OR9G4: variants seen among roughly 807,000 people sequenced by gnomAD.
OR9G4 encodes olfactory receptor family 9 subfamily G member 4.
In OR9G4, 19 loss-of-function variants were observed where a neutral mutation model predicts 16.7. That is an observed-to-expected ratio of 1.14 (90% CI 0.79 to 1.67). OR9G4 has a LOEUF of 1.67. OR9G4 is among the 40% of genes most tolerant of loss of function. OR9G4 has a pLI of 0.00. For synonymous variants in OR9G4, 182 were observed against 146.2 expected (o/e 1.24, Z -1.76); for missense variants, 428 against 370.4 (o/e 1.16, Z -1.28).
intron 1 of OR9G4, among the ~76,000 whole-genome samples, chr11:56,748,179 C>T (rs899688521): frequency 6.6e-6 from 1 of 152,186 alleles, no homozygotes; most frequent in Non-Finnish European, 1.5e-5. Context: ...GCCAATCATG[C>T]TAAAGAATCT....
intron 1 of OR9G4, among the ~76,000 whole-genome samples, chr11:56,747,916 C>T (rs527559128): frequency 1.7e-4 from 26 of 152,280 alleles, no homozygotes; most frequent in Middle Eastern, 3.4e-3. Context: ...CCTCGTGATC[C>T]GCCCTCCTCA....
Position 56,742,831 on chromosome 11 carries a change from T to A in OR9G4, c.936A>T (p.Thr312=), listed in dbSNP as rs1858322290. 1 of 1,609,814 alleles carries A rather than the reference T, an allele frequency of 6.2e-7. No homozygotes were observed. The highest frequency in any genetic ancestry group is 1.3e-5 in the African/African-American group (1 of 74,736). Residue 312 remains threonine (T), a synonymous_variant, in exon 2 of 2, where the codon ACA becomes ACT. Coordinates refer to ENST00000641668, the MANE Select transcript of OR9G4 (RefSeq NM_001005284.2). ...GCATTTGCAAAGAGAATAACCTTCA[T>A]GTTTGTGGTTGTATAGTCTGTGTTG... ...RKATQTIQPQ[T]
At chr11:56,744,828 T>C (rs1024989381) in intron 1 of OR9G4, among the ~76,000 whole-genome samples, 7 of 152,188 alleles carry the variant, frequency 4.6e-5, no homozygotes, top group Non-Finnish European at 1.0e-4. Context: ...CCCCCAAACA[T>C]GCAGGTGGGG....
rs748285334 is a variant in OR9G4, at chr11:56,741,822, C to T, written c.*1006G>A. ...TTAACTTGCCATCTTCTAAAGGCTA[C>T]TAAATGAAATATCAACCCAACCTGC... On this transcript the variant is annotated 3_prime_UTR_variant, in exon 2 of 2. Transcript: ENST00000641668. 6.6e-6 allele frequency: 1 copy of T among 152,180 alleles called. No homozygotes were observed. The allele number at this position is 152,180 out of a possible 1,614,324, so 9.4% of individuals were successfully genotyped here.
intron 1 of OR9G4, among the ~76,000 whole-genome samples, chr11:56,744,489 C>T (rs1858373034): frequency 6.6e-6 from 1 of 152,248 alleles, no homozygotes; most frequent in Admixed American, 6.5e-5. Flanking sequence ...AAACTTCTTA[C>T]GTGTCAAGTA....
chr11:56,742,819 G>A lies in OR9G4; in HGVS notation c.*9C>T. ...AATTCAATAACAGCATTTGCAAAGA[G>A]AATAACCTTCATGTTTGTGGTTGTA... is the stretch of plus-strand genomic sequence containing the variant. On this transcript the variant is annotated 3_prime_UTR_variant, in exon 2 of 2. Transcript: ENST00000641668. 1 of 1,604,862 alleles carries A rather than the reference G, an allele frequency of 6.2e-7. No homozygotes were observed. The highest frequency in any genetic ancestry group is 8.5e-7 in the Non-Finnish European group (1 of 1,175,770).
chr11:56,742,842 G>A lies in OR9G4; in HGVS notation c.925C>T (p.Gln309Ter), dbSNP rs775860522. 3 of 1,613,590 alleles carry A rather than the reference G, an allele frequency of 1.9e-6. No individual in the cohort carries two copies. The highest frequency in any genetic ancestry group is 2.2e-5 in the South Asian group (2 of 90,966). The change falls in exon 2 of 2, where the codon CAA becomes TAA. Residue 309 changes from glutamine to a stop codon, truncating the protein, a stop_gained. Transcript: ENST00000641668. LOFTEE classifies it high-confidence loss of function. ...EAFRKATQTI[Q>*]PQT Reference sequence around the variant, plus strand: ...GAGAATAACCTTCATGTTTGTGGTTGTATAGTCTGTGTTGCTTTCCTGAAG... The same window carrying A: ...GAGAATAACCTTCATGTTTGTGGTTATATAGTCTGTGTTGCTTTCCTGAAG...
rs780189148 is a variant in OR9G4, at chr11:56,743,589, A to G, written c.178T>C (p.Tyr60His). 2 of 1,614,196 alleles carry G rather than the reference A, an allele frequency of 1.2e-6. No individual in the cohort carries two copies. Among genetic ancestry groups the G allele is most frequent in the Non-Finnish European group, 1.7e-6 (2 of 1,180,010 alleles). Reference sequence around the variant, plus strand: ...AAAGACAGATTGCCAATGAAAAAGTACATAGGTGTATGCAAGTGGGAATCA... The same window carrying G: ...AAAGACAGATTGCCAATGAAAAAGTGCATAGGTGTATGCAAGTGGGAATCA... ...RTDSHLHTPM[Y>H]FFIGNLSFLD... The change falls in exon 2 of 2, where the codon TAC becomes CAC. Residue 60 changes from tyrosine to histidine, a missense_variant. Physicochemically the swap from Tyr to His is moderately conservative, Grantham distance 83. Transcript: ENST00000641668.
chr11:56,743,999 T>G (rs1422223525), intron 1 of OR9G4: 1 of 585,838 alleles, frequency 1.7e-6, no homozygotes, highest in East Asian at 2.9e-5. Context: ...ATTAACTATT[T>G]AATGCAGGAC....
Position 56,743,772 on chromosome 11 carries a change from C to T in OR9G4, c.-6G>A, listed in dbSNP as rs374977694. Reference sequence around the variant, plus strand: ...GTGCAATTTCCCACTTCCATGTCCACGGAGGTGAAAGCCTGACTATCATGA... The same window carrying T: ...GTGCAATTTCCCACTTCCATGTCCATGGAGGTGAAAGCCTGACTATCATGA... On this transcript the variant is annotated 5_prime_UTR_variant, in exon 2 of 2. The change creates a new upstream start codon in the 5' untranslated region. Transcript: ENST00000641668. The T allele has an allele frequency of 4.8e-5, 78 of 1,613,500 alleles. No homozygotes were observed. Among genetic ancestry groups the T allele is most frequent in the Middle Eastern group, 1.6e-4 (1 of 6,082 alleles).
intron 1 of OR9G4, 30 bp from the exon 2 acceptor site, chr11:56,743,818 G>C (rs991056828): frequency 6.3e-7 from 1 of 1,599,374 alleles, no homozygotes; most frequent in African/African-American, 1.3e-5. Flanking sequence ...TCATCACTTA[G>C]TGTTTTTTCT....
intron 1 of OR9G4, among the ~76,000 whole-genome samples, chr11:56,746,594 A>T (rs1858420955): frequency 1.3e-5 from 2 of 152,202 alleles, no homozygotes; most frequent in Non-Finnish European, 2.9e-5. Context: ...GTCGGGTGCT[A>T]ATATGCTGTA....
Position 56,743,201 on chromosome 11 carries a change from C to G in OR9G4, c.566G>C (p.Cys189Ser), listed in dbSNP as rs1310172988. The G allele has an allele frequency of 6.2e-7, 1 of 1,613,980 alleles. No homozygotes were observed. Among genetic ancestry groups the G allele is most frequent in the Admixed American group, 1.7e-5 (1 of 59,994 alleles). Residue 189 changes from cysteine to serine, a missense_variant, in exon 2 of 2, where the codon TGT becomes TCT. Physicochemically the swap from Cys to Ser is moderately radical, Grantham distance 112. Coordinates refer to ENST00000641668, the MANE Select transcript of OR9G4 (RefSeq NM_001005284.2). ...CDAPPLVKMS[C>S]TNTRVYEKVL... ...TTTTTCGTAGACCCTGGTGTTTGTA[C>G]AGGACATTTTTACCAATGGTGGTGC...
intron 1 of OR9G4, among the ~76,000 whole-genome samples, chr11:56,745,283 A>G (rs1437265960): frequency 6.6e-6 from 1 of 152,142 alleles, no homozygotes; most frequent in Non-Finnish European, 1.5e-5. Context: ...TTTGTCAACT[A>G]TTTCCATGTA....
At chr11:56,748,311 A>G (rs1202078086) in intron 1 of OR9G4, among the ~76,000 whole-genome samples, 1 of 152,226 alleles carries the variant, frequency 6.6e-6, no homozygotes, top group Non-Finnish European at 1.5e-5. Context: ...CAAAATTAAT[A>G]CCAAGAAGTG....
In OR9G4 at chr11:56,742,594, C is replaced by G. The variant is rs1858318900; in HGVS notation, c.*234G>C. 1 of 484,688 alleles carries G rather than the reference C, an allele frequency of 2.1e-6. No individual in the cohort carries two copies. The highest frequency in any genetic ancestry group is 3.7e-5 in the Admixed American group (1 of 26,700). The allele number at this position is 484,688 out of a possible 1,614,324, so 30.0% of individuals were successfully genotyped here. A position where few individuals can be genotyped will look rare whatever the true frequency, so the allele number is the denominator to read the frequency against. On this transcript the variant is annotated 3_prime_UTR_variant, in exon 2 of 2. Transcript: ENST00000641668. ...GAAATCTATGAAAGATTTAATGCTGCCAAGGCAAAATACCATATTGCAGAA... is the reference window on the plus strand; with the variant it reads ...GAAATCTATGAAAGATTTAATGCTGGCAAGGCAAAATACCATATTGCAGAA...
chr11:56,747,402 A>G (rs1021270725), intron 1 of OR9G4, among the ~76,000 whole-genome samples: 6 of 151,756 alleles, frequency 4.0e-5, no homozygotes, highest in African/African-American at 1.2e-4. Context: ...CCTTCCGACA[A>G]TCTTCACCCT....
In OR9G4 at chr11:56,741,238, GT is replaced by G. The variant is rs1858292275; in HGVS notation, c.*1589del. The G allele has an allele frequency of 3.0e-6, 1 of 331,516 alleles. No homozygotes were observed. Among genetic ancestry groups the G allele is most frequent in the Non-Finnish European group, 5.7e-6 (1 of 174,808 alleles). The allele number at this position is 331,516 out of a possible 1,614,324, so 20.5% of individuals were successfully genotyped here. On this transcript the variant is annotated 3_prime_UTR_variant, in exon 2 of 2. Transcript: ENST00000641668. ...GAAAAATTGTGTTTCTTTGTGTTTC[GT>G]TTGTTTGTTATGATTTTGAGATCAG...
At chr11:56,747,212 T>A (rs890755444) in intron 1 of OR9G4, among the ~76,000 whole-genome samples, 1 of 135,944 alleles carries the variant, frequency 7.4e-6, no homozygotes, top group Admixed American at 7.1e-5. Context: ...TTATTATTAT[T>A]ATTATACTTT....
Sources: gnomAD v4.1 joint callset for allele counts (sites outside exome capture counted in the v4.1 genomes callset) on GRCh38, gnomAD v4.1.1 for gene constraint, MANE v1.5 for transcripts, NCBI Gene and HGNC (gene_info 2026-07-23, HGNC 2026-07-21) for gene names.